PREX2: variants seen among roughly 807,000 people sequenced by gnomAD.
PREX2 encodes phosphatidylinositol 3,4,5-trisphosphate-dependent Rac exchanger 2 protein.
PREX2 carries 107 observed loss-of-function variants against 203.2 expected under a neutral mutation model. The observed-to-expected ratio is 0.53, with a 90% confidence interval of 0.45 to 0.62. PREX2 has a LOEUF of 0.62. PREX2 is among the 20% of genes least tolerant of loss of function. The pLI is 0.00. For missense variants in PREX2, 1,777 were observed against 1,955.9 expected (o/e 0.91, Z 1.72); for synonymous variants, 672 against 663.6 (o/e 1.01, Z -0.19).
At chr8:68,157,280 G>A in intron 34 of PREX2, 42 bp from the exon 35 acceptor site, 2 of 1,069,642 alleles carry the variant, frequency 1.9e-6, no homozygotes, top group Non-Finnish European at 2.8e-6. Flanking sequence ...GAGAAATTGA[G>A]TTATAAAGTT....
intron 14 of PREX2, among the ~76,000 whole-genome samples, chr8:68,076,334 G>T (rs1472536980): frequency 6.6e-6 from 1 of 152,130 alleles, no homozygotes; most frequent in Admixed American, 6.5e-5. Flanking sequence ...GCATGCACCT[G>T]CAGTCTCAGC....
intron 25 of PREX2, chr8:68,114,227 G>A: frequency 2.2e-6 from 1 of 449,932 alleles, no homozygotes; most frequent in Non-Finnish European, 4.6e-6. Context: ...TAATAAATGT[G>A]TTTAGTGAAA....
intron 23 of PREX2, among the ~76,000 whole-genome samples, chr8:68,107,210 A>T (rs978292860): frequency 3.3e-5 from 5 of 152,178 alleles, no homozygotes; most frequent in African/African-American, 1.2e-4. Context: ...TGCAAAGGAA[A>T]CAGTTCGGCA....
intron 30 of PREX2, among the ~76,000 whole-genome samples, chr8:68,123,834 G>A (rs1308725196): frequency 6.6e-6 from 1 of 151,676 alleles, no homozygotes; most frequent in Non-Finnish European, 1.5e-5. Flanking sequence ...TCTACCAGAT[G>A]TACACAGAAG....
At chr8:68,021,129 C>T (rs756831048) in intron 3 of PREX2, among the ~76,000 whole-genome samples, 1 of 152,008 alleles carries the variant, frequency 6.6e-6, no homozygotes, top group African/African-American at 2.4e-5. Flanking sequence ...GGTACAAATC[C>T]TCTTGTTTTA....
In PREX2 at chr8:68,118,578, G is replaced by T; in HGVS notation, c.3355G>T (p.Ala1119Ser). 1 of 1,613,846 alleles carries T rather than the reference G, an allele frequency of 6.2e-7. No homozygotes were observed. Among genetic ancestry groups the T allele is most frequent in the Non-Finnish European group, 8.5e-7 (1 of 1,179,858 alleles). Residue 1119 changes from alanine (A) to serine (S), a missense_variant, in exon 27 of 40, where the codon GCC becomes TCC. By Grantham distance (99) the Ala-to-Ser change is moderately conservative. Coordinates refer to ENST00000288368, the MANE Select transcript of PREX2 (RefSeq NM_024870.4). ...SDCNSNRNSI[A>S]SFTSICSSQC... The stretch of plus-strand genomic sequence containing the variant: ...CTGCAACAGCAATAGGAATTCCATC[G>T]CCTCCTTCACCAGCATCTGCAGCAG...
chr8:68,083,485 A>C, intron 18 of PREX2, 97 bp downstream of exon 18: 4 of 913,072 alleles, frequency 4.4e-6, no homozygotes, highest in Non-Finnish European at 4.9e-6. Context: ...TAAGCATCTC[A>C]TTGCTTGGAA....
intron 38 of PREX2, among the ~76,000 whole-genome samples, chr8:68,221,375 G>A (rs940663): frequency 0.064 from 9,722 of 152,184 alleles, 506 homozygotes; most frequent in African/African-American, 0.14. Context: ...GGCTATCTGG[G>A]TGATTCAGGG....
chr8:67,958,476 A>G (rs1312191664), intron 1 of PREX2, among the ~76,000 whole-genome samples: 1 of 152,204 alleles, frequency 6.6e-6, no homozygotes. Context: ...AATTACTTTA[A>G]TATAAAAATA....
intron 25 of PREX2, among the ~76,000 whole-genome samples, chr8:68,115,240 C>T (rs1031091974): frequency 6.6e-6 from 1 of 151,988 alleles, no homozygotes; most frequent in African/African-American, 2.4e-5. Flanking sequence ...GTTGGTCAGG[C>T]TGGTCTCGAA....
At chr8:67,986,137 C>T (rs1278853980) in intron 1 of PREX2, among the ~76,000 whole-genome samples, 1 of 152,120 alleles carries the variant, frequency 6.6e-6, no homozygotes, top group Non-Finnish European at 1.5e-5. Context: ...AATTAATATG[C>T]CTTTCTACTA....
At chr8:68,120,777 C>A in intron 29 of PREX2, 144 bp from the exon 30 acceptor site, 1 of 661,272 alleles carries the variant, frequency 1.5e-6, no homozygotes, top group Non-Finnish European at 2.5e-6. Flanking sequence ...TTACATTTAA[C>A]GGATTTTCTG....
At position 67,973,055 on chromosome 8, in the gene PREX2, T is replaced by C. The variant is rs1585665926; in HGVS notation, c.141+20520T>C. ...TGTCTCCATATCTTTCATCCCTTGT[T>C]CAGCCACTCTCAATGCCGTGTTGAT... is the stretch of plus-strand genomic sequence containing the variant. On this transcript the variant is annotated intron_variant, in intron 1 of 39. Coordinates refer to ENST00000288368, the MANE Select transcript of PREX2 (RefSeq NM_024870.4). Among the ~76,000 whole-genome samples, 5 of 152,284 alleles carry C rather than the reference T, an allele frequency of 3.3e-5. No homozygotes were observed. The South Asian group carries it at 8.3e-4, about 25-fold the overall frequency.
rs1810366616 is a variant in PREX2, at chr8:68,105,043, TAGGC to T, written c.2716-3063_2716-3060del. ...GTTTCCTTTGATGTTGCTAAAAAGA[TAGGC>T]AGATTGATGTTTACAGGGCCATTTG... On this transcript the variant is annotated intron_variant, in intron 23 of 39. Transcript: ENST00000288368. 3 of 899,372 alleles carry T rather than the reference TAGGC, an allele frequency of 3.3e-6. No homozygotes were observed. The Admixed American group carries it at 6.9e-5, about 21-fold the overall frequency. 55.7% of individuals were successfully genotyped at this position (899,372 alleles called of 1,614,324 possible). A position where few individuals can be genotyped will look rare whatever the true frequency, so the allele number is the denominator to read the frequency against.
chr8:68,037,315 CT>C (rs1563512002), intron 6 of PREX2, among the ~76,000 whole-genome samples: 1 of 151,732 alleles, frequency 6.6e-6, no homozygotes, highest in African/African-American at 2.4e-5. Context: ...TCATTTTTTT[CT>C]TTTTTTGGTC....
intron 11 of PREX2, among the ~76,000 whole-genome samples, chr8:68,065,866 C>T (rs78813793): frequency 0.012 from 1,765 of 152,198 alleles, 30 homozygotes; most frequent in African/African-American, 0.041. Context: ...AAAGAGAAAG[C>T]GTAGAGATTT....
chr8:68,199,348 T>A (rs2129614855), intron 37 of PREX2, among the ~76,000 whole-genome samples: 1 of 152,098 alleles, frequency 6.6e-6, no homozygotes. Context: ...ATATGTAAAG[T>A]TTTTTCCCCA....
At chr8:68,077,239 T>G in intron 14 of PREX2, among the ~76,000 whole-genome samples, 158 bp from the exon 15 acceptor site, 1 of 152,260 alleles carries the variant, frequency 6.6e-6, no homozygotes, top group African/African-American at 2.4e-5. Flanking sequence ...ATCAACTGAA[T>G]GTTTTGTAAC....
chr8:68,121,124 G>C (rs1394517540), intron 30 of PREX2, 75 bp downstream of exon 30: 2 of 1,433,084 alleles, frequency 1.4e-6, no homozygotes, highest in African/African-American at 2.9e-5. Context: ...CCAAAAGTTT[G>C]GTAATGCCTG....
Sources: allele counts gnomAD v4.1 joint callset (sites outside exome capture counted in the v4.1 genomes callset), GRCh38; gene constraint gnomAD v4.1.1; transcripts MANE v1.5; gene names NCBI Gene and HGNC (gene_info 2026-07-23, HGNC 2026-07-21).